Variants in CHN1 observed in about 807,000 individuals in gnomAD.
The protein encoded by CHN1 is chimerin 1.
Under a neutral mutation model 59.5 loss-of-function variants are expected in CHN1, and 37 were observed. That is an observed-to-expected ratio of 0.62 (90% CI 0.48 to 0.82). The LOEUF (loss-of-function observed/expected upper bound fraction) is 0.82, where lower values mean the gene tolerates loss of function less well. CHN1 is among the 40% of genes least tolerant of loss of function. CHN1 has a pLI of 0.00. For missense variants in CHN1, 469 were observed against 571.0 expected (o/e 0.82, Z 1.82); for synonymous variants, 206 against 200.4 (o/e 1.03, Z -0.24).
chr2:174,972,965 A>G (rs1690805488), intron 1 of CHN1, among the ~76,000 whole-genome samples: 1 of 152,198 alleles, frequency 6.6e-6, no homozygotes, highest in South Asian at 2.1e-4. Context: ...CTCTTTTTCT[A>G]GTGTTCTATC....
chr2:174,939,091 C>A (rs916741704), intron 3 of CHN1, among the ~76,000 whole-genome samples: 12 of 152,080 alleles, frequency 7.9e-5, no homozygotes, highest in African/African-American at 2.7e-4. Flanking sequence ...GGAGAGAATA[C>A]AAATAATTGG....
intron 3 of CHN1, among the ~76,000 whole-genome samples, chr2:174,944,626 G>A (rs561601505): frequency 6.6e-6 from 1 of 152,214 alleles, no homozygotes; most frequent in South Asian, 2.1e-4. Context: ...AAAACACAAT[G>A]TATGAATTAA....
intron 11 of CHN1, among the ~76,000 whole-genome samples, chr2:174,807,927 A>G (rs1199093238): frequency 2.6e-5 from 4 of 152,244 alleles, no homozygotes; most frequent in Admixed American, 2.6e-4. Context: ...AAAATGACAG[A>G]AATAGCCTAT....
chr2:174,827,587 C>G (rs972704808), intron 7 of CHN1, among the ~76,000 whole-genome samples: 6 of 152,050 alleles, frequency 3.9e-5, no homozygotes, highest in Admixed American at 3.3e-4. Context: ...CAATGCAGAG[C>G]CACTGAGGAT....
chr2:174,859,231 T>C (rs903535631), intron 6 of CHN1, among the ~76,000 whole-genome samples: 13 of 152,218 alleles, frequency 8.5e-5, no homozygotes, highest in African/African-American at 2.9e-4. Flanking sequence ...TAAGCTTATT[T>C]AATACAAAAA....
intron 6 of CHN1, among the ~76,000 whole-genome samples, chr2:174,864,843 T>G (rs1687169046): frequency 6.6e-6 from 1 of 152,272 alleles, no homozygotes; most frequent in East Asian, 1.9e-4. Context: ...CCAGCCTGGG[T>G]TGACAGATGG....
intron 1 of CHN1, among the ~76,000 whole-genome samples, chr2:174,998,218 G>C (rs573119357): frequency 2.6e-4 from 39 of 147,410 alleles, no homozygotes; most frequent in Non-Finnish European, 4.4e-4. Context: ...CAGGAGAATT[G>C]CTTGAACCTG....
In CHN1 at chr2:175,005,322, G is replaced by A. The variant is rs897811356; in HGVS notation, c.-410C>T. 4 of 1,179,290 alleles carry A rather than the reference G, an allele frequency of 3.4e-6. No individual in the cohort carries two copies. The African/African-American group carries it at 6.5e-5, about 19-fold the overall frequency. 73.1% of individuals were successfully genotyped at this position (1,179,290 alleles called of 1,614,324 possible). ...AGCAGCCTCGCACAGCCCCCGGCGG[G>A]GCGCGCTCACTCCGCATCCCGCGGC... is the stretch of plus-strand genomic sequence containing the variant. On this transcript the variant is annotated 5_prime_UTR_variant, in exon 1 of 13. Transcript: ENST00000409900.
At chr2:175,003,775 T>C (rs750208942) in intron 1 of CHN1, among the ~76,000 whole-genome samples, 2 of 152,226 alleles carry the variant, frequency 1.3e-5, no homozygotes, top group Non-Finnish European at 2.9e-5. Flanking sequence ...GTGAAGTGAA[T>C]TCTAGGCTCA....
chr2:174,935,237 C>T (rs1486915500), intron 3 of CHN1, among the ~76,000 whole-genome samples: 1 of 152,190 alleles, frequency 6.6e-6, no homozygotes, highest in Non-Finnish European at 1.5e-5. Context: ...TGAGCTACCG[C>T]TCCATTCCCC....
At chr2:174,934,445 T>C (rs1015385989) in intron 3 of CHN1, among the ~76,000 whole-genome samples, 2 of 152,194 alleles carry the variant, frequency 1.3e-5, no homozygotes, top group African/African-American at 2.4e-5. Context: ...TAAACACAGA[T>C]GAAGCTTCAC....
intron 8 of CHN1, among the ~76,000 whole-genome samples, chr2:174,817,552 C>T (rs1462803631): frequency 6.6e-6 from 1 of 151,678 alleles, no homozygotes; most frequent in Non-Finnish European, 1.5e-5. Context: ...CAACCTCTGC[C>T]TCCCAGTTCA....
intron 5 of CHN1, among the ~76,000 whole-genome samples, chr2:174,901,700 T>C (rs1688393713): frequency 6.6e-6 from 1 of 152,172 alleles, no homozygotes; most frequent in African/African-American, 2.4e-5. Flanking sequence ...ACAACAAAAA[T>C]ACATTTAATA....
chr2:175,000,616 G>A (rs1691860888), intron 1 of CHN1, among the ~76,000 whole-genome samples: 1 of 152,032 alleles, frequency 6.6e-6, no homozygotes, highest in Non-Finnish European at 1.5e-5. Flanking sequence ...GCTAATATTT[G>A]TATTTTTAGT....
chr2:174,908,026 C>T (rs1012286647), intron 5 of CHN1, among the ~76,000 whole-genome samples: 1 of 152,080 alleles, frequency 6.6e-6, no homozygotes, highest in Non-Finnish European at 1.5e-5. Flanking sequence ...CAGGAAAGTG[C>T]CAAGTATTGT....
intron 5 of CHN1, among the ~76,000 whole-genome samples, chr2:174,879,459 C>T (rs1035640382): frequency 6.6e-6 from 1 of 152,156 alleles, no homozygotes; most frequent in Non-Finnish European, 1.5e-5. Flanking sequence ...TTGATTTACA[C>T]TTAAGTGAAC....
At chr2:174,971,262 G>A (rs1160382434) in intron 1 of CHN1, among the ~76,000 whole-genome samples, 3 of 152,172 alleles carry the variant, frequency 2.0e-5, no homozygotes, top group Non-Finnish European at 4.4e-5. Context: ...AGCTTGCAGT[G>A]AGCCGAGATC....
chr2:174,815,050 C>T (rs542078433), intron 8 of CHN1, among the ~76,000 whole-genome samples: 26 of 152,126 alleles, frequency 1.7e-4, no homozygotes, highest in East Asian at 7.7e-4. Flanking sequence ...GTTATGGTCC[C>T]ACTGGTCTCT....
chr2:174,816,080 A>G (rs1415317527), intron 8 of CHN1, among the ~76,000 whole-genome samples: 8 of 152,162 alleles, frequency 5.3e-5, no homozygotes, highest in Admixed American at 5.2e-4. Flanking sequence ...GTTGGGGAAT[A>G]GTACTATTTT....
Sources: gnomAD v4.1 joint callset for allele counts (sites outside exome capture counted in the v4.1 genomes callset) on GRCh38, gnomAD v4.1.1 for gene constraint, MANE v1.5 for transcripts, NCBI Gene and HGNC (gene_info 2026-07-23, HGNC 2026-07-21) for gene names.